Variants in TANK observed in about 807,000 individuals in gnomAD.
TANK encodes TRAF family member-associated NF-kappa-B activator.
A neutral mutation model predicts 43.6 loss-of-function variants in TANK; 15 were observed. That is an observed-to-expected ratio of 0.34 (90% CI 0.23 to 0.53). The LOEUF (loss-of-function observed/expected upper bound fraction) is 0.53, where lower values mean the gene tolerates loss of function less well. Ranked by LOEUF, TANK falls within the 20% of genes least tolerant of loss-of-function variation. TANK has a pLI of 0.94. For synonymous variants in TANK, 162 were observed against 178.2 expected, an observed-to-expected ratio of 0.91 and a Z score of 0.73; for missense variants, 417 against 498.6, an observed-to-expected ratio of 0.84 and a Z score of 1.56.
intron 4 of TANK, among the ~76,000 whole-genome samples, chr2:161,217,983 A>G (rs1377489621): frequency 6.6e-6 from 1 of 152,172 alleles, no homozygotes. Context: ...ACCCATTGTC[A>G]TGCTTTGTCA....
intron 1 of TANK, among the ~76,000 whole-genome samples, chr2:161,153,862 A>G (rs546755334): frequency 2.6e-5 from 4 of 152,286 alleles, no homozygotes; most frequent in African/African-American, 9.6e-5. Flanking sequence ...ACTGAGGCAC[A>G]GGATTAGTAA....
chr2:161,235,276 A>C lies in TANK; in HGVS notation c.1102-66A>C, dbSNP rs535503094. On this transcript the variant is annotated intron_variant, in intron 7 of 7. Coordinates refer to ENST00000392749, the MANE Select transcript of TANK (RefSeq NM_001199135.3). ...CATGCGTAACTCATTCAGAAATTCA[A>C]ATTTGAAGTCCAGTGCTATTTGAAT... The C allele has an allele frequency of 7.9e-6, 11 of 1,398,128 alleles. 2 individuals are homozygous for C. Among genetic ancestry groups the C allele is most frequent in the South Asian group, 7.2e-5 (5 of 69,598 alleles). The allele number at this position is 1,398,128 out of a possible 1,614,324, so 86.6% of individuals were successfully genotyped here.
chr2:161,169,028 CT>C (rs1357524081), intron 1 of TANK, among the ~76,000 whole-genome samples: 1 of 152,196 alleles, frequency 6.6e-6, no homozygotes, highest in African/African-American at 2.4e-5. Context: ...TTCCCAAACA[CT>C]TTCTTAGGAA....
intron 1 of TANK, chr2:161,161,158 G>C: frequency 7.0e-7 from 1 of 1,438,568 alleles, no homozygotes; most frequent in Non-Finnish European, 9.2e-7. Flanking sequence ...AGGCAAAAAA[G>C]CTGTGCTTTT....
chr2:161,172,287 T>C (rs1280593088), intron 1 of TANK, among the ~76,000 whole-genome samples: 2 of 151,928 alleles, frequency 1.3e-5, no homozygotes, highest in Admixed American at 6.6e-5. Flanking sequence ...TCTTGTGCTA[T>C]AAGGTGGTAC....
In TANK at chr2:161,179,618, G is replaced by A; in HGVS notation, c.-45G>A. 6.2e-7 allele frequency: 1 copy of A among 1,604,142 alleles called. No individual in the cohort carries two copies. Among genetic ancestry groups the A allele is most frequent in the Non-Finnish European group, 8.5e-7 (1 of 1,175,396 alleles). On this transcript the variant is annotated 5_prime_UTR_variant, in exon 2 of 8. Coordinates refer to ENST00000392749, the MANE Select transcript of TANK (RefSeq NM_001199135.3). ...ATTGATCTCATTATTTTGCAGACCT[G>A]TCATTTACTCCATCCTTTATAGTGA... is the stretch of plus-strand genomic sequence containing the variant.
At chr2:161,163,381 G>C (rs889169906) in intron 1 of TANK, 12 of 152,278 alleles carry the variant, frequency 7.9e-5, no homozygotes, top group Admixed American at 6.5e-4. Flanking sequence ...ACTAAGAACA[G>C]CTGCTGTACT....
At chr2:161,216,909 T>G (rs1687141771) in intron 4 of TANK, among the ~76,000 whole-genome samples, 1 of 152,136 alleles carries the variant, frequency 6.6e-6, no homozygotes, top group African/African-American at 2.4e-5. Context: ...ACCATAACCG[T>G]TTTTAGGTGA....
At chr2:161,206,537 TAGAATA>T (rs2105350253) in intron 4 of TANK, among the ~76,000 whole-genome samples, 2 of 152,272 alleles carry the variant, frequency 1.3e-5, no homozygotes, top group Admixed American at 1.3e-4. Context: ...ATAAAAATTT[TAGAATA>T]AGAAGTTCTC....
At chr2:161,169,119 A>G (rs1684828573) in intron 1 of TANK, among the ~76,000 whole-genome samples, 1 of 152,224 alleles carries the variant, frequency 6.6e-6, no homozygotes, top group Admixed American at 6.5e-5. Context: ...CAATTAAAGA[A>G]AGAGATGGAC....
At chr2:161,154,769 G>C (rs1377142329) in intron 1 of TANK, among the ~76,000 whole-genome samples, 2 of 146,884 alleles carry the variant, frequency 1.4e-5, no homozygotes, top group South Asian at 2.2e-4. Context: ...TTTTGAGACA[G>C]AGTCTCACTC....
chr2:161,212,501 T>C, intron 4 of TANK: 18 of 985,428 alleles, frequency 1.8e-5, no homozygotes, highest in Non-Finnish European at 2.2e-5. Context: ...GTTTGTGTTT[T>C]TGAATTCAGT....
At chr2:161,162,054 A>G (rs2105251051) in intron 1 of TANK, 1 of 152,188 alleles carries the variant, frequency 6.6e-6, no homozygotes, top group Admixed American at 6.5e-5. Flanking sequence ...TGTTTTTATG[A>G]CTAGGCAGCC....
intron 4 of TANK, among the ~76,000 whole-genome samples, chr2:161,210,392 G>A (rs1338377733): frequency 6.6e-6 from 1 of 152,186 alleles, no homozygotes; most frequent in Non-Finnish European, 1.5e-5. Context: ...AATAGCAATA[G>A]TATTGTAATA....
chr2:161,154,170 A>G (rs925556680), intron 1 of TANK, among the ~76,000 whole-genome samples: 9 of 152,228 alleles, frequency 5.9e-5, no homozygotes, highest in Admixed American at 4.6e-4. Flanking sequence ...GTCTTAACCT[A>G]GAAAGGAAAT....
chr2:161,161,099 C>A, intron 1 of TANK: 2 of 1,014,212 alleles, frequency 2.0e-6, no homozygotes, highest in East Asian at 2.8e-5. Context: ...GGAACCCAGG[C>A]GTTAGGTAGA....
At position 161,231,206 on chromosome 2, in the gene TANK, A is replaced by T. The variant is rs1687894059; in HGVS notation, c.756A>T (p.Arg252Ser). The change falls in exon 7 of 8, where the codon AGA (arginine) becomes AGT (serine). Residue 252 changes from arginine to serine, a missense_variant. Transcript: ENST00000392749. Reference protein sequence around the residue: ...DSTFLHSTPERPGILSPATSE... With the variant: ...DSTFLHSTPESPGILSPATSE... ...CTTTCTTACATAGCACTCCAGAGAG[A>T]CCCGGCATCCTTAGTCCTGCCACGT... is the stretch of plus-strand genomic sequence containing the variant. The T allele has an allele frequency of 6.2e-7, 1 of 1,613,986 alleles. No individual in the cohort carries two copies. The highest frequency in any genetic ancestry group is 8.5e-7 in the Non-Finnish European group (1 of 1,180,020).
intron 2 of TANK, among the ~76,000 whole-genome samples, chr2:161,190,213 A>G (rs546003719): frequency 6.6e-6 from 1 of 152,356 alleles, no homozygotes; most frequent in South Asian, 2.1e-4. Flanking sequence ...GCATATGAAA[A>G]GATGCTCAGC....
intron 5 of TANK, among the ~76,000 whole-genome samples, 153 bp from the exon 6 acceptor site, chr2:161,224,478 A>G (rs988345209): frequency 3.9e-5 from 6 of 151,940 alleles, no homozygotes; most frequent in African/African-American, 1.4e-4. Flanking sequence ...ACACAAGCTG[A>G]TTTTGGGGAC....
Sources: allele counts gnomAD v4.1 joint callset (sites outside exome capture counted in the v4.1 genomes callset), GRCh38; gene constraint gnomAD v4.1.1; transcripts MANE v1.5; gene names NCBI Gene and HGNC (gene_info 2026-07-23, HGNC 2026-07-21).